The following EPHA6 variants were observed in gnomAD, a reference collection of about 807,000 sequenced individuals.
EPHA6 encodes ephrin type-A receptor 6.
EPHA6 carries 50 observed loss-of-function variants against 112.0 expected under a neutral mutation model. The observed-to-expected ratio is 0.45, with a 90% confidence interval of 0.36 to 0.56. The LOEUF (loss-of-function observed/expected upper bound fraction) is 0.56. Ranked by LOEUF, EPHA6 falls within the 20% of genes least tolerant of loss-of-function variation. The pLI is 0.00. For missense variants in EPHA6, 1,280 were observed against 1,417.4 expected, an observed-to-expected ratio of 0.90 and a Z score of 1.56; for synonymous variants, 529 against 490.7, an observed-to-expected ratio of 1.08 and a Z score of -1.03.
intron 5 of EPHA6, among the ~76,000 whole-genome samples, chr3:97,331,632 C>T (rs972671649): frequency 5.6e-4 from 86 of 152,252 alleles, no homozygotes; most frequent in African/African-American, 2.0e-3. Context: ...CGCAAATAAA[C>T]GAGAGAATCT....
At chr3:97,269,943 G>A (rs1045009453) in intron 5 of EPHA6, among the ~76,000 whole-genome samples, 49 of 152,148 alleles carry the variant, frequency 3.2e-4, no homozygotes, top group African/African-American at 1.2e-3. Context: ...CCAACAATTT[G>A]TTTTTATGAT....
chr3:97,014,573 G>A (rs192283638), intron 3 of EPHA6, among the ~76,000 whole-genome samples: 73 of 151,984 alleles, frequency 4.8e-4, no homozygotes, highest in Middle Eastern at 3.4e-3. Flanking sequence ...ATATGTATAC[G>A]TGGCATTCTT....
chr3:97,565,916 CT>C (rs1266062630), intron 11 of EPHA6, among the ~76,000 whole-genome samples: 1 of 150,268 alleles, frequency 6.7e-6, no homozygotes, highest in Admixed American at 6.7e-5. Flanking sequence ...ACATGGGAGG[CT>C]GAGGCAGGAG....
At chr3:97,545,758 G>T (rs1417195864) in intron 11 of EPHA6, among the ~76,000 whole-genome samples, 2 of 152,180 alleles carry the variant, frequency 1.3e-5, no homozygotes, top group Non-Finnish European at 2.9e-5. Context: ...CCTGTATTGG[G>T]TGCATATATA....
intron 5 of EPHA6, among the ~76,000 whole-genome samples, chr3:97,259,911 C>T (rs1280641065): frequency 4.0e-5 from 6 of 151,618 alleles, no homozygotes; most frequent in Non-Finnish European, 8.8e-5. Flanking sequence ...AGCGATTCTT[C>T]CGCCTCAGCC....
In EPHA6 at chr3:96,833,258, C is replaced by T. The variant is rs148040372; in HGVS notation, c.385+18250C>T. ...CAGACATGTACACAAGTGGAATGACCTGTGAAGATGAAGACAGGTATTGGT... is the reference window on the plus strand; with the variant it reads ...CAGACATGTACACAAGTGGAATGACTTGTGAAGATGAAGACAGGTATTGGT... On this transcript the variant is annotated intron_variant, in intron 1 of 17. Coordinates refer to ENST00000389672, the MANE Select transcript of EPHA6 (RefSeq NM_001080448.3). Among the ~76,000 whole-genome samples the T allele has an allele frequency of 3.5e-3, 529 of 150,170 alleles. 1 individual carries two copies. The highest frequency in any genetic ancestry group is 9.9e-3 in the African/African-American group (403 of 40,786).
At chr3:96,906,812 T>C (rs1046516915) in intron 2 of EPHA6, among the ~76,000 whole-genome samples, 1 of 151,818 alleles carries the variant, frequency 6.6e-6, no homozygotes, top group Admixed American at 6.6e-5. Context: ...CAGAATTTGG[T>C]CCCTAGAGGT....
At chr3:97,726,489 T>C (rs2034774682) in intron 15 of EPHA6, among the ~76,000 whole-genome samples, 2 of 152,268 alleles carry the variant, frequency 1.3e-5, no homozygotes, top group South Asian at 2.1e-4. Flanking sequence ...TTATAAAATG[T>C]ACCATACCGT....
intron 10 of EPHA6, among the ~76,000 whole-genome samples, chr3:97,489,558 T>C (rs890890254): frequency 6.7e-6 from 1 of 150,086 alleles, no homozygotes; most frequent in Admixed American, 6.6e-5. Flanking sequence ...TTGTGGCGGG[T>C]GCCTGTAGTC....
At chr3:96,866,699 A>G (rs963248873) in intron 1 of EPHA6, 126 bp from the exon 2 acceptor site, 218 of 457,954 alleles carry the variant, frequency 4.8e-4, no homozygotes, top group Non-Finnish European at 7.7e-4. Context: ...AACTCATTAA[A>G]CTTAATTCAG....
intron 3 of EPHA6, among the ~76,000 whole-genome samples, chr3:97,197,639 G>C (rs2077475407): frequency 6.6e-6 from 1 of 151,834 alleles, no homozygotes; most frequent in Admixed American, 6.6e-5. Context: ...CCTGGGGTTG[G>C]GGGATGGGTG....
At chr3:96,981,705 G>A (rs1465766129) in intron 2 of EPHA6, among the ~76,000 whole-genome samples, 1 of 151,864 alleles carries the variant, frequency 6.6e-6, no homozygotes, top group Admixed American at 6.6e-5. Context: ...TGTTTCCTAG[G>A]CTATTAATTA....
At chr3:97,096,517 C>T (rs2047243381) in intron 3 of EPHA6, among the ~76,000 whole-genome samples, 1 of 151,670 alleles carries the variant, frequency 6.6e-6, no homozygotes, top group African/African-American at 2.4e-5. Flanking sequence ...GGCTTTCAAC[C>T]TCATGCCTTA....
At chr3:97,558,404 C>T (rs1024035505) in intron 11 of EPHA6, among the ~76,000 whole-genome samples, 5 of 151,984 alleles carry the variant, frequency 3.3e-5, no homozygotes, top group African/African-American at 1.2e-4. Flanking sequence ...AACCTTCTAC[C>T]AGGCCCCTAG....
intron 2 of EPHA6, among the ~76,000 whole-genome samples, chr3:96,975,370 T>G (rs2042481056): frequency 6.6e-6 from 1 of 152,170 alleles, no homozygotes; most frequent in Non-Finnish European, 1.5e-5. Flanking sequence ...GCAAGCTTTT[T>G]AAGAGGTCTT....
chr3:97,020,330 A>T, intron 3 of EPHA6, among the ~76,000 whole-genome samples: 1 of 152,220 alleles, frequency 6.6e-6, no homozygotes, highest in East Asian at 1.9e-4. Context: ...AATAAGATGA[A>T]TAATGCATGC....
chr3:97,302,864 T>C (rs2081151879), intron 5 of EPHA6, among the ~76,000 whole-genome samples: 1 of 151,860 alleles, frequency 6.6e-6, no homozygotes, highest in Admixed American at 6.6e-5. Flanking sequence ...GTTAGAAAAA[T>C]TAAGCAATTC....
rs1400699470 is a variant in EPHA6 at position 97,374,772 on chromosome 3, CA to C, written c.1607-30376del. Among the ~76,000 whole-genome samples, 6 of 152,190 alleles carry C rather than the reference CA, an allele frequency of 3.9e-5. No homozygotes were observed. In the East Asian group the frequency reaches 7.7e-4, roughly 20 times the overall value. On this transcript the variant is annotated intron_variant, in intron 5 of 17. Coordinates refer to ENST00000389672, the MANE Select transcript of EPHA6 (RefSeq NM_001080448.3). ...AAAAAGAATAAAATTATGTCCTTTA[CA>C]ACAACACAGATGCAGCTGGAGGCCA...
chr3:97,564,917 A>G (rs964569913), intron 11 of EPHA6, among the ~76,000 whole-genome samples: 56 of 152,134 alleles, frequency 3.7e-4, no homozygotes, highest in African/African-American at 1.2e-3. Context: ...TCGGTAGCAG[A>G]AAAAACTTAA....
Sources: gnomAD v4.1 joint callset for allele counts (sites outside exome capture counted in the v4.1 genomes callset) on GRCh38, gnomAD v4.1.1 for gene constraint, MANE v1.5 for transcripts, NCBI Gene and HGNC (gene_info 2026-07-23, HGNC 2026-07-21) for gene names.